Variants in GPATCH2 observed in about 807,000 individuals in gnomAD.
The protein encoded by GPATCH2 is G-patch domain containing 2, also known as G patch domain-containing protein 2.
Under a neutral mutation model 58.0 loss-of-function variants are expected in GPATCH2, and 51 were observed. That is an observed-to-expected ratio of 0.88 (90% CI 0.70 to 1.11). GPATCH2 has a LOEUF of 1.11. GPATCH2 is among the 50% of genes most tolerant of loss of function. GPATCH2 has a pLI of 0.00. For synonymous variants in GPATCH2, 222 were observed against 218.5 expected (o/e 1.02, Z -0.14); for missense variants, 625 against 652.2 (o/e 0.96, Z 0.45).
chr1:217,523,702 C>A (rs372381031), intron 5 of GPATCH2, among the ~76,000 whole-genome samples: 1 of 150,752 alleles, frequency 6.6e-6, no homozygotes, highest in Non-Finnish European at 1.5e-5. Context: ...ACCTCCCAGA[C>A]GGGGTGGTGG....
At chr1:217,580,571 T>G (rs893230143) in intron 5 of GPATCH2, among the ~76,000 whole-genome samples, 1 of 152,210 alleles carries the variant, frequency 6.6e-6, no homozygotes, top group Non-Finnish European at 1.5e-5. Context: ...TAATTTTTCT[T>G]TATAATTAGT....
intron 8 of GPATCH2, among the ~76,000 whole-genome samples, chr1:217,474,674 G>A (rs771092114): frequency 3.0e-4 from 45 of 152,266 alleles, no homozygotes; most frequent in South Asian, 4.1e-4. Flanking sequence ...CTTTAGTCAC[G>A]CACTTCAAAG....
chr1:217,610,101 G>A (rs1052813084), intron 5 of GPATCH2: 3 of 1,534,584 alleles, frequency 2.0e-6, no homozygotes, highest in African/African-American at 1.4e-5. Flanking sequence ...AGGTTCCCTC[G>A]AATGTCATTC....
At chr1:217,450,275 G>T (rs961027800) in intron 8 of GPATCH2, among the ~76,000 whole-genome samples, 8 of 151,922 alleles carry the variant, frequency 5.3e-5, no homozygotes, top group African/African-American at 1.2e-4. Flanking sequence ...AAGACAGAGA[G>T]ATATCTGACA....
At chr1:217,625,578 G>A (rs1053752215) in intron 1 of GPATCH2, among the ~76,000 whole-genome samples, 6 of 152,100 alleles carry the variant, frequency 3.9e-5, no homozygotes, top group African/African-American at 1.4e-4. Context: ...GAAAAATAAA[G>A]TATATATAGA....
At chr1:217,510,268 T>G (rs1405377737) in intron 6 of GPATCH2, among the ~76,000 whole-genome samples, 1 of 152,124 alleles carries the variant, frequency 6.6e-6, no homozygotes, top group African/African-American at 2.4e-5. Context: ...GATTATAAAT[T>G]ATCAACATGT....
chr1:217,498,472 C>T (rs1344687693), intron 6 of GPATCH2, 77 bp from the exon 7 acceptor site: 16 of 1,075,908 alleles, frequency 1.5e-5, no homozygotes, highest in Non-Finnish European at 2.2e-5. Context: ...GCCGCATGTG[C>T]TTTAAGAAAT....
chr1:217,456,216 C>T (rs530095547), intron 8 of GPATCH2, among the ~76,000 whole-genome samples: 15 of 152,160 alleles, frequency 9.9e-5, no homozygotes, highest in Non-Finnish European at 1.5e-4. Flanking sequence ...TGCACTGTAA[C>T]ACACACCATG....
chr1:217,574,733 G>C (rs914222859), intron 5 of GPATCH2, among the ~76,000 whole-genome samples: 3 of 152,034 alleles, frequency 2.0e-5, no homozygotes, highest in African/African-American at 7.2e-5. Context: ...TAGAAACAAA[G>C]GTACAGAGAT....
chr1:217,452,247 A>G (rs911034678), intron 8 of GPATCH2, among the ~76,000 whole-genome samples: 1 of 152,200 alleles, frequency 6.6e-6, no homozygotes, highest in African/African-American at 2.4e-5. Flanking sequence ...ATAACTAAAG[A>G]ATGATGCAAG....
intron 5 of GPATCH2, among the ~76,000 whole-genome samples, chr1:217,532,084 C>A (rs976429343): frequency 1.3e-5 from 2 of 152,266 alleles, no homozygotes; most frequent in Middle Eastern, 6.8e-3. Context: ...TCCGCTGGAC[C>A]GGTACACAAA....
intron 5 of GPATCH2, among the ~76,000 whole-genome samples, chr1:217,607,334 T>A (rs1001314423): frequency 1.3e-5 from 2 of 152,192 alleles, no homozygotes; most frequent in African/African-American, 4.8e-5. Context: ...TAAACATATG[T>A]CCCTTTTGTA....
chr1:217,493,011 T>A (rs907798588), intron 7 of GPATCH2, among the ~76,000 whole-genome samples: 2 of 152,300 alleles, frequency 1.3e-5, no homozygotes, highest in African/African-American at 4.8e-5. Context: ...ATCAAGAATA[T>A]GGTTAGGCTC....
At chr1:217,474,858 C>G (rs1290029437) in intron 8 of GPATCH2, among the ~76,000 whole-genome samples, 4 of 151,658 alleles carry the variant, frequency 2.6e-5, no homozygotes, top group Non-Finnish European at 5.9e-5. Flanking sequence ...GTCACTCATC[C>G]AAAAGGGGTA....
At chr1:217,488,601 T>C (rs562203745) in intron 8 of GPATCH2, among the ~76,000 whole-genome samples, 145 of 152,284 alleles carry the variant, frequency 9.5e-4, no homozygotes, top group African/African-American at 3.3e-3. Context: ...AAAGAACATA[T>C]ACTGGATATT....
At chr1:217,472,598 A>G (rs547663556) in intron 8 of GPATCH2, among the ~76,000 whole-genome samples, 145 of 152,272 alleles carry the variant, frequency 9.5e-4, no homozygotes, top group African/African-American at 3.3e-3. Flanking sequence ...CACCGTGCCC[A>G]GTCCAACAGA....
At position 217,611,023 on chromosome 1, in the gene GPATCH2, G is replaced by A. The variant is rs956709687; in HGVS notation, c.884C>T (p.Ala295Val). 2 of 1,613,314 alleles carry A rather than the reference G, an allele frequency of 1.2e-6. No individual in the cohort carries two copies. The highest frequency in any genetic ancestry group is 2.7e-5 in the African/African-American group (2 of 74,764). Reference sequence around the variant, plus strand: ...GGGCACAACTCCAGTGATACCACATGCTCCACCTGATTCCTTTTCGTAGAA... The same window carrying A: ...GGGCACAACTCCAGTGATACCACATACTCCACCTGATTCCTTTTCGTAGAA... ...DWFYEKESGG[A>V]CGITGVVPWW... The change falls in exon 4 of 10, where the codon GCA becomes GTA. Residue 295 changes from alanine to valine, a missense_variant. Ala to Val is a moderately conservative substitution (Grantham distance 64). Coordinates refer to ENST00000366935, the MANE Select transcript of GPATCH2 (RefSeq NM_018040.5).
At chr1:217,523,419 A>T (rs1166443458) in intron 5 of GPATCH2, among the ~76,000 whole-genome samples, 24 of 151,684 alleles carry the variant, frequency 1.6e-4, no homozygotes, top group Middle Eastern at 3.4e-3. Context: ...ACAAGGCACA[A>T]CTTGCACCGC....
intron 5 of GPATCH2, among the ~76,000 whole-genome samples, chr1:217,599,103 G>C (rs1352214049): frequency 1.3e-5 from 2 of 152,170 alleles, no homozygotes. Flanking sequence ...GGATATGGTT[G>C]AATATGAGAA....
Sources: gnomAD v4.1 joint callset for allele counts (sites outside exome capture counted in the v4.1 genomes callset) on GRCh38, gnomAD v4.1.1 for gene constraint, MANE v1.5 for transcripts, NCBI Gene and HGNC (gene_info 2026-07-23, HGNC 2026-07-21) for gene names.